XPO6: variants seen among roughly 807,000 people sequenced by gnomAD.
The protein encoded by XPO6 is exportin 6, also known as exportin-6.
A neutral mutation model predicts 130.0 loss-of-function variants in XPO6; 3 were observed. The ratio of observed to expected loss-of-function variants is 0.02; its 90% confidence interval spans 0.01 to 0.06. The LOEUF (loss-of-function observed/expected upper bound fraction) is 0.06, where lower values mean the gene tolerates loss of function less well. Ranked by LOEUF, XPO6 falls within the 10% of genes least tolerant of loss-of-function variation. The probability of loss-of-function intolerance (pLI) is 1.00; values close to 1 mark genes in which losing one functional copy is unlikely to be tolerated. For missense variants in XPO6, 970 were observed against 1,393.0 expected (o/e 0.70, Z 4.83); for synonymous variants, 524 against 548.9 (o/e 0.95, Z 0.63).
chr16:28,154,255 TAAAAAAAAAAAAA>T (rs11284457), intron 7 of XPO6: 17 of 811,096 alleles, frequency 2.1e-5, no homozygotes, highest in Non-Finnish European at 2.2e-5. Flanking sequence ...ACTACCCATT[TAAAAAAAAAAAAA>T]AAAAAAAAAA....
At chr16:28,166,098 G>T (rs1432179034) in intron 6 of XPO6, among the ~76,000 whole-genome samples, 1 of 152,116 alleles carries the variant, frequency 6.6e-6, no homozygotes. Context: ...AGGCAGAGAG[G>T]TCTCCACTCT....
Position 28,121,744 on chromosome 16 carries a change from C to T in XPO6, c.1785G>A (p.Leu595=). Residue 595 remains leucine, a synonymous_variant, in exon 14 of 24, where the codon CTG becomes CTA. Coordinates refer to ENST00000304658, the MANE Select transcript of XPO6 (RefSeq NM_015171.4). ...TGTACAATTTTATCTGAGATCCGTA[C>T]AGAGTGACTTTGACCAACCTGTTGG... is the stretch of plus-strand genomic sequence containing the variant. The part of the protein sequence containing the change: ...TVVERLVKVT[L]YGSQIKLYNI... 3 of 1,613,836 alleles carry T rather than the reference C, an allele frequency of 1.9e-6. No homozygotes were observed. In the South Asian group the frequency reaches 3.3e-5, roughly 18 times the overall value.
At position 28,104,637 on chromosome 16, in the gene XPO6, T is replaced by C; in HGVS notation, c.2855A>G (p.Tyr952Cys). 1 of 1,614,194 alleles carries C rather than the reference T, an allele frequency of 6.2e-7. No homozygotes were observed. Among genetic ancestry groups the C allele is most frequent in the African/African-American group, 1.3e-5 (1 of 75,046 alleles). The change falls in exon 21 of 24, where the codon TAC becomes TGC. Residue 952 changes from tyrosine (Y) to cysteine (C), a missense_variant. Tyr to Cys is a radical substitution (Grantham distance 194). This residue lies in a region of XPO6 where 936 missense variants were observed against 1,306.8 expected (regional missense o/e 0.72). Coordinates refer to ENST00000304658, the MANE Select transcript of XPO6 (RefSeq NM_015171.4). Reference protein sequence around the residue: ...LFRTLHHNWRYFFKSTVLASV... With the variant: ...LFRTLHHNWRCFFKSTVLASV... ...GGCCAGCACGGTGGACTTGAAGAAGTACCTCCAGTTGTGATGGAGCGTCCG... is the reference window on the plus strand; with the variant it reads ...GGCCAGCACGGTGGACTTGAAGAAGCACCTCCAGTTGTGATGGAGCGTCCG...
At chr16:28,130,375 G>A (rs2042641877) in intron 12 of XPO6, among the ~76,000 whole-genome samples, 2 of 152,236 alleles carry the variant, frequency 1.3e-5, no homozygotes, top group African/African-American at 4.8e-5. Context: ...GCCTATCAGG[G>A]ATGAGAGGGC....
At chr16:28,138,200 G>A (rs1477590362) in intron 9 of XPO6, among the ~76,000 whole-genome samples, 6 of 152,084 alleles carry the variant, frequency 3.9e-5, no homozygotes, top group African/African-American at 1.4e-4. Context: ...CAAACATTTA[G>A]GCCTAGAGTT....
intron 8 of XPO6, 86 bp from the exon 9 acceptor site, chr16:28,146,289 C>A: frequency 9.5e-7 from 1 of 1,050,708 alleles, no homozygotes; most frequent in South Asian, 1.3e-5. Flanking sequence ...TTAATTCCAG[C>A]AGAATGATGA....
intron 15 of XPO6, among the ~76,000 whole-genome samples, chr16:28,116,408 G>A (rs1289403615): frequency 6.7e-6 from 1 of 150,106 alleles, no homozygotes; most frequent in Non-Finnish European, 1.5e-5. Flanking sequence ...CTTGCAGTGA[G>A]CCAAGATCAC....
chr16:28,161,757 G>C (rs1371558013), intron 6 of XPO6, among the ~76,000 whole-genome samples: 2 of 152,096 alleles, frequency 1.3e-5, no homozygotes, highest in African/African-American at 2.4e-5. Flanking sequence ...CTAAGGCACA[G>C]ACAGACCAAG....
rs1210542766 is a variant in XPO6 at position 28,101,302 on chromosome 16, C to CA, written c.3276+155dup. 2.8e-6 allele frequency: 2 copies of CA among 712,724 alleles called. No individual in the cohort carries two copies. The highest frequency in any genetic ancestry group is 3.5e-5 in the African/African-American group (2 of 57,420). The allele number at this position is 712,724 out of a possible 1,614,324, so 44.1% of individuals were successfully genotyped here. ...GCTGTGCCCCTCAATCAGGCTACAG[C>CA]ACCAGGTCAGCAGGCATCTCGTGAG... On this transcript the variant is annotated intron_variant, in intron 23 of 23. Transcript: ENST00000304658. The surrounding 1 kb of genome is among the most constrained non-coding windows in gnomAD (Gnocchi z 5.4).
At chr16:28,140,693 AT>A (rs71140948) in intron 9 of XPO6, among the ~76,000 whole-genome samples, 35,110 of 147,396 alleles carry the variant, frequency 0.24, 3,985 homozygotes, top group Middle Eastern at 0.31. Flanking sequence ...AAAAAAAAAA[AT>A]TTTTTTTGAG....
At position 28,132,201 on chromosome 16, in the gene XPO6, A is replaced by G; in HGVS notation, c.1606+133T>C. The G allele has an allele frequency of 2.8e-6, 2 of 705,212 alleles. No individual in the cohort carries two copies. The highest frequency in any genetic ancestry group is 4.9e-6 in the Non-Finnish European group (2 of 409,626). The allele number at this position is 705,212 out of a possible 1,614,324, so 43.7% of individuals were successfully genotyped here. A position where few individuals can be genotyped will look rare whatever the true frequency, so the allele number is the denominator to read the frequency against. ...GCCTTTAAAAACGTTCCCTGTTTCG[A>G]AGTGGGGAGAGATGCCAGTGGGGAG... On this transcript the variant is annotated intron_variant, in intron 12 of 23. Transcript: ENST00000304658. This position sits in a 1 kb window ranked among gnomAD's most constrained non-coding sequence, Gnocchi z 4.0.
rs374396727 is a variant in XPO6 at position 28,112,910 on chromosome 16, G to A, written c.2145C>T (p.Val715=). Residue 715 remains valine (V), a synonymous_variant, in exon 16 of 24, where the codon GTC becomes GTT. Transcript: ENST00000304658. ...RITDASALRL[V]DKAQVLVCRA... is the part of the protein sequence containing the mutation. ...GGGAGCTCTGGGGCCTCACCTTATC[G>A]ACAAGTCGCAGGGCAGAGGCATCAG... The A allele has an allele frequency of 1.2e-4, 187 of 1,613,216 alleles. No homozygotes were observed. The Admixed American group carries it at 1.2e-3, about 11-fold the overall frequency.
chr16:28,099,054 T>A (rs1054197997), intron 23 of XPO6, among the ~76,000 whole-genome samples: 2 of 152,148 alleles, frequency 1.3e-5, no homozygotes, highest in Non-Finnish European at 2.9e-5. Flanking sequence ...AACGCAGACA[T>A]GGCTGTGGTG....
At chr16:28,128,426 C>A (rs1652346901) in intron 12 of XPO6, among the ~76,000 whole-genome samples, 1 of 152,152 alleles carries the variant, frequency 6.6e-6, no homozygotes, top group Admixed American at 6.5e-5. Context: ...CGCACCTCCA[C>A]CTCCCCCCAG....
intron 23 of XPO6, among the ~76,000 whole-genome samples, chr16:28,100,504 C>T (rs1156888293): frequency 6.6e-6 from 1 of 152,210 alleles, no homozygotes; most frequent in Admixed American, 6.5e-5. Context: ...TAAGCAAAAG[C>T]TTCCCTGCCA....
At chr16:28,169,990 G>A (rs984523899) in intron 4 of XPO6, 81 bp from the exon 5 acceptor site, 3 of 1,517,808 alleles carry the variant, frequency 2.0e-6, no homozygotes, top group Non-Finnish European at 2.7e-6. Flanking sequence ...AAGCTATGAA[G>A]CATCTGTGTG....
At chr16:28,105,967 C>T (rs1011765689) in intron 20 of XPO6, 76 bp downstream of exon 20, 1 of 1,561,118 alleles carries the variant, frequency 6.4e-7, no homozygotes, top group African/African-American at 1.4e-5. Context: ...AAACACAATA[C>T]ATTTTCTGTG....
chr16:28,156,025 G>C (rs1264448739), intron 7 of XPO6, 49 bp downstream of exon 7: 1 of 1,554,634 alleles, frequency 6.4e-7, no homozygotes, highest in African/African-American at 1.4e-5. Context: ...ATGGTAAACA[G>C]TCAGGGCCCT....
rs1232184461 is a variant in XPO6, at chr16:28,098,427, G to A, written c.*111C>T. The stretch of plus-strand genomic sequence containing the variant: ...AGAGGCAGGCAGCGTTGCTTGCGGT[G>A]GGAGAAGCCAAGGAGTGTGACCAAG... On this transcript the variant is annotated 3_prime_UTR_variant, in exon 24 of 24. Coordinates refer to ENST00000304658, the MANE Select transcript of XPO6 (RefSeq NM_015171.4). The A allele has an allele frequency of 4.4e-6, 4 of 913,754 alleles. No homozygotes were observed. Among genetic ancestry groups the A allele is most frequent in the Non-Finnish European group, 6.7e-6 (4 of 597,668 alleles). The allele number at this position is 913,754 out of a possible 1,614,324, so 56.6% of individuals were successfully genotyped here.
Sources: allele counts gnomAD v4.1 joint callset (sites outside exome capture counted in the v4.1 genomes callset), GRCh38; gene constraint gnomAD v4.1.1; regional missense constraint gnomAD v4.1.1; non-coding constraint Gnocchi (gnomAD v3.1); transcripts MANE v1.5; gene names NCBI Gene and HGNC (gene_info 2026-07-23, HGNC 2026-07-21).